Variants in DCC observed in about 807,000 individuals in gnomAD.
DCC encodes the protein netrin receptor DCC.
DCC carries 58 observed loss-of-function variants against 172.5 expected under a neutral mutation model. The ratio of observed to expected loss-of-function variants is 0.34; its 90% confidence interval spans 0.27 to 0.42. DCC has a LOEUF of 0.42. DCC is among the 10% of genes least tolerant of loss of function. DCC has a pLI of 1.00. For synonymous variants in DCC, 709 were observed against 644.5 expected (o/e 1.10, Z -1.52); for missense variants, 1,740 against 1,791.0 (o/e 0.97, Z 0.51).
chr18:52,400,191 G>A (rs72917002), intron 1 of DCC, among the ~76,000 whole-genome samples: 14,182 of 151,902 alleles, frequency 0.093, 857 homozygotes, highest in Middle Eastern at 0.17. Flanking sequence ...TGTGTACCCA[G>A]TATGTTCATC....
chr18:52,950,128 T>A (rs2040612729), intron 5 of DCC, among the ~76,000 whole-genome samples: 1 of 152,212 alleles, frequency 6.6e-6, no homozygotes, highest in African/African-American at 2.4e-5. Flanking sequence ...TTCCTGATAA[T>A]CTACGTGCTC....
chr18:53,040,708 C>T (rs1170741151), intron 5 of DCC, among the ~76,000 whole-genome samples: 1 of 151,906 alleles, frequency 6.6e-6, no homozygotes, highest in Non-Finnish European at 1.5e-5. Context: ...TCATAGCACA[C>T]TGTAATAAGT....
At chr18:52,998,405 G>T (rs2041516306) in intron 5 of DCC, among the ~76,000 whole-genome samples, 1 of 152,044 alleles carries the variant, frequency 6.6e-6, no homozygotes, top group African/African-American at 2.4e-5. Context: ...CACTCAGAAT[G>T]CATCGCTCTA....
chr18:52,817,364 A>G (rs2038319015), intron 2 of DCC, among the ~76,000 whole-genome samples: 1 of 152,102 alleles, frequency 6.6e-6, no homozygotes, highest in African/African-American at 2.4e-5. Context: ...TTTTATAGAT[A>G]CTCACAAACT....
chr18:52,842,937 A>G (rs1220743478), intron 2 of DCC, among the ~76,000 whole-genome samples: 1 of 152,188 alleles, frequency 6.6e-6, no homozygotes, highest in Non-Finnish European at 1.5e-5. Flanking sequence ...AAGAGAAGCA[A>G]GTTCGGAGAA....
rs983440935 is a variant in DCC, at chr18:53,324,398, G to A, written c.2164+2241G>A. Among the ~76,000 whole-genome samples the A allele has an allele frequency of 6.6e-5, 10 of 152,152 alleles. No individual in the cohort carries two copies. In the East Asian group the frequency reaches 1.7e-3, roughly 26 times the overall value. On this transcript the variant is annotated intron_variant, in intron 14 of 28. Coordinates refer to ENST00000442544, the MANE Select transcript of DCC (RefSeq NM_005215.4). ...TACTAGAGATAAAACAATAAATAAA[G>A]TCTATACACCCAAGGAGTATAAGTT...
intron 2 of DCC, among the ~76,000 whole-genome samples, chr18:52,788,723 C>T (rs185564389): frequency 4.9e-4 from 75 of 152,194 alleles, no homozygotes; most frequent in African/African-American, 1.7e-3. Context: ...GGCTTCAGGG[C>T]GGAGCCCTTG....
At chr18:53,385,962 T>G in intron 15 of DCC, 81 bp from the exon 16 acceptor site, 1 of 953,488 alleles carries the variant, frequency 1.0e-6, no homozygotes, top group Non-Finnish European at 1.7e-6. Flanking sequence ...ATGAAATTTG[T>G]TTTGAGGAAA....
intron 2 of DCC, among the ~76,000 whole-genome samples, chr18:52,807,149 C>T (rs1381300573): frequency 2.6e-5 from 4 of 152,098 alleles, no homozygotes; most frequent in African/African-American, 4.8e-5. Flanking sequence ...GAGCCGAGGT[C>T]GCGCCACTGC....
At chr18:52,816,532 A>G (rs962854913) in intron 2 of DCC, 4 of 147,542 alleles carry the variant, frequency 2.7e-5, no homozygotes, top group Non-Finnish European at 3.0e-5. Flanking sequence ...CCTGTTTTAA[A>G]GATAACATTA....
intron 14 of DCC, among the ~76,000 whole-genome samples, chr18:53,324,818 G>A (rs2057449777): frequency 6.6e-6 from 1 of 152,024 alleles, no homozygotes; most frequent in Non-Finnish European, 1.5e-5. Context: ...ATAGATTTAT[G>A]TTTTATCCTT....
At chr18:53,098,898 C>G (rs753416376) in intron 7 of DCC, among the ~76,000 whole-genome samples, 2 of 152,036 alleles carry the variant, frequency 1.3e-5, no homozygotes, top group Non-Finnish European at 2.9e-5. Context: ...GTGGTCCCAG[C>G]TAGTCTGGAG....
chr18:52,381,159 A>G (rs1985568014), intron 1 of DCC, among the ~76,000 whole-genome samples: 1 of 152,126 alleles, frequency 6.6e-6, no homozygotes, highest in South Asian at 2.1e-4. Context: ...TAAGAAAAAA[A>G]ATCAAATCAA....
At chr18:53,230,049 A>G (rs1270189745) in intron 12 of DCC, among the ~76,000 whole-genome samples, 1 of 152,102 alleles carries the variant, frequency 6.6e-6, no homozygotes, top group Non-Finnish European at 1.5e-5. Flanking sequence ...TAATCTGTGT[A>G]TAAGTATCTC....
intron 2 of DCC, among the ~76,000 whole-genome samples, chr18:52,832,009 G>A (rs935160871): frequency 1.2e-4 from 19 of 152,234 alleles, no homozygotes; most frequent in African/African-American, 3.6e-4. Flanking sequence ...ATTCAGCTTC[G>A]TACCTTCTTC....
At chr18:53,524,014 G>T (rs1414952225) in intron 27 of DCC, among the ~76,000 whole-genome samples, 1 of 151,834 alleles carries the variant, frequency 6.6e-6, no homozygotes, top group African/African-American at 2.4e-5. Flanking sequence ...AGGAGATGTT[G>T]GTCAAATGGT....
intron 5 of DCC, among the ~76,000 whole-genome samples, chr18:52,939,930 G>A (rs1294089422): frequency 6.6e-6 from 1 of 152,150 alleles, no homozygotes; most frequent in Non-Finnish European, 1.5e-5. Context: ...GCAATTTGGT[G>A]TAATCTTTGT....
chr18:52,461,591 A>G (rs1049383707), intron 1 of DCC, among the ~76,000 whole-genome samples: 2 of 152,186 alleles, frequency 1.3e-5, no homozygotes, highest in African/African-American at 4.8e-5. Flanking sequence ...ACATTGTGCT[A>G]TGATGTTATG....
intron 28 of DCC, among the ~76,000 whole-genome samples, chr18:53,530,023 G>A (rs142253592): frequency 8.9e-4 from 135 of 152,144 alleles, no homozygotes; most frequent in African/African-American, 3.2e-3. Flanking sequence ...GGCAAAGCCC[G>A]CTGAGTTCTC....
Sources: allele counts gnomAD v4.1 joint callset (sites outside exome capture counted in the v4.1 genomes callset), GRCh38; gene constraint gnomAD v4.1.1; transcripts MANE v1.5; gene names NCBI Gene and HGNC (gene_info 2026-07-23, HGNC 2026-07-21).